CACNA1D: variants seen among roughly 807,000 people sequenced by gnomAD.
CACNA1D encodes the protein calcium voltage-gated channel subunit alpha1 D.
CACNA1D carries 55 observed loss-of-function variants against 257.1 expected under a neutral mutation model. The observed-to-expected ratio is 0.21, with a 90% CI of 0.17 to 0.27. The LOEUF (loss-of-function observed/expected upper bound fraction) is 0.27, where lower values mean the gene tolerates loss of function less well. CACNA1D is among the 10% of genes least tolerant of loss of function. The probability of loss-of-function intolerance (pLI) is 1.00; values close to 1 mark genes in which losing one functional copy is unlikely to be tolerated. For missense variants in CACNA1D, 1,876 were observed against 2,784.0 expected (o/e 0.67, Z 7.34); for synonymous variants, 980 against 1,014.9 (o/e 0.97, Z 0.65).
At chr3:53,652,741 C>G (rs1007644301) in intron 4 of CACNA1D, among the ~76,000 whole-genome samples, 1 of 152,266 alleles carries the variant, frequency 6.6e-6, no homozygotes, top group Non-Finnish European at 1.5e-5. Context: ...CCTAGCCCAT[C>G]TAGCCTGCCA....
chr3:53,700,511 T>A (rs1420231576), intron 8 of CACNA1D, among the ~76,000 whole-genome samples: 1 of 152,204 alleles, frequency 6.6e-6, no homozygotes, highest in Non-Finnish European at 1.5e-5. Flanking sequence ...TTGGTGAATT[T>A]ACCTAGAGCT....
chr3:53,608,505 C>T (rs140993028), intron 3 of CACNA1D, among the ~76,000 whole-genome samples: 1 of 152,280 alleles, frequency 6.6e-6, no homozygotes, highest in African/African-American at 2.4e-5. Context: ...TTTGAAACCT[C>T]TATTACGATG....
chr3:53,552,429 G>A (rs1236615300), intron 3 of CACNA1D, among the ~76,000 whole-genome samples: 1 of 152,072 alleles, frequency 6.6e-6, no homozygotes, highest in African/African-American at 2.4e-5. Context: ...TGCCCAGGCT[G>A]GACTGCAATT....
chr3:53,688,088 C>T (rs777162635), intron 8 of CACNA1D, among the ~76,000 whole-genome samples: 2 of 152,150 alleles, frequency 1.3e-5, no homozygotes, highest in African/African-American at 4.8e-5. Flanking sequence ...AGTATTTGCC[C>T]AAGAGAAATG....
chr3:53,601,056 G>A (rs1456820372), intron 3 of CACNA1D, among the ~76,000 whole-genome samples: 1 of 152,122 alleles, frequency 6.6e-6, no homozygotes, highest in Non-Finnish European at 1.5e-5. Context: ...GGCCTGCACA[G>A]CACACTCTTT....
intron 9 of CACNA1D, chr3:53,710,395 G>GACTT (rs1335737181): frequency 4.4e-6 from 2 of 456,664 alleles, no homozygotes; most frequent in Non-Finnish European, 8.8e-6. Flanking sequence ...CAACCTGAAG[G>GACTT]GGTCACAGTG....
intron 8 of CACNA1D, among the ~76,000 whole-genome samples, chr3:53,680,088 G>T (rs956957694): frequency 3.9e-5 from 6 of 152,208 alleles, no homozygotes; most frequent in Non-Finnish European, 5.9e-5. Flanking sequence ...TACCTGAAGT[G>T]CACAGGCTGG....
chr3:53,695,235 C>T (rs2094562946), intron 8 of CACNA1D, among the ~76,000 whole-genome samples: 1 of 152,268 alleles, frequency 6.6e-6, no homozygotes, highest in East Asian at 1.9e-4. Context: ...TTAGAACGTG[C>T]TGTGATCTGG....
intron 20 of CACNA1D, among the ~76,000 whole-genome samples, chr3:53,739,667 C>T (rs887738170): frequency 6.6e-6 from 1 of 152,118 alleles, no homozygotes; most frequent in African/African-American, 2.4e-5. Flanking sequence ...TGCAGAACAA[C>T]GGGCAGGAGT....
At position 53,711,211 on chromosome 3, in the gene CACNA1D, A is replaced by G. The variant is rs2094751271; in HGVS notation, c.1391-7090A>G. Among the ~76,000 whole-genome samples, 5 of 152,250 alleles carry G rather than the reference A, an allele frequency of 3.3e-5. No individual in the cohort carries two copies. The South Asian group carries it at 1.0e-3, about 32-fold the overall frequency. ...GCAGTCAGCGATATTGCGCCATTAC[A>G]CTCCAGCCTGGGTAACAGAGTGCGA... On this transcript the variant is annotated intron_variant, in intron 9 of 47. Coordinates refer to ENST00000350061, the MANE Select transcript of CACNA1D (RefSeq NM_001128840.3).
Position 53,497,385 on chromosome 3 carries a change from C to A in CACNA1D, c.301C>A (p.Arg101=), listed in dbSNP as rs772267259. ...SKKQGNSSNS[R]PARALFCLSL... ...AAAACAGGGTAACTCGTCCAACAGC[C>A]GACCTGCCCGCGCCCTTTTCTGTTT... Residue 101 remains arginine, a synonymous_variant, in exon 2 of 48, where the codon CGA becomes AGA. Transcript: ENST00000350061. The A allele has an allele frequency of 2.8e-5, 46 of 1,614,044 alleles. No individual in the cohort carries two copies. Among genetic ancestry groups the A allele is most frequent in the Non-Finnish European group, 3.6e-5 (42 of 1,180,038 alleles).
At chr3:53,524,712 A>T (rs1414578877) in intron 3 of CACNA1D, among the ~76,000 whole-genome samples, 1 of 152,164 alleles carries the variant, frequency 6.6e-6, no homozygotes, top group Non-Finnish European at 1.5e-5. Context: ...GTTGGAGCAG[A>T]GTAAGTTTTC....
chr3:53,571,197 C>T (rs551331079), intron 3 of CACNA1D, among the ~76,000 whole-genome samples: 10 of 152,226 alleles, frequency 6.6e-5, no homozygotes, highest in Admixed American at 2.6e-4. Context: ...ATTTGCTGTG[C>T]GTGTCTGAAT....
At position 53,776,847 on chromosome 3, in the gene CACNA1D, AT is replaced by A; in HGVS notation, c.4491-9del. The A allele has an allele frequency of 1.4e-5, 22 of 1,613,622 alleles. No homozygotes were observed. Among genetic ancestry groups the A allele is most frequent in the Non-Finnish European group, 1.9e-5 (22 of 1,179,566 alleles). On this transcript the variant is annotated splice_polypyrimidine_tract_variant and intron_variant, in intron 36 of 47. Coordinates refer to ENST00000350061, the MANE Select transcript of CACNA1D (RefSeq NM_001128840.3). The stretch of plus-strand genomic sequence containing the variant: ...GTACTGTTCCTGGACCTTAGATTGT[AT>A]TTTACTTCCAGGGGAAGGATAAAAC...
At chr3:53,802,310 CA>C (rs2095540335) in intron 43 of CACNA1D, 137 bp downstream of exon 43, 2 of 799,958 alleles carry the variant, frequency 2.5e-6, no homozygotes, top group South Asian at 1.4e-5. Flanking sequence ...GCTGTGGACT[CA>C]GAGGTCAGAG....
At chr3:53,646,552 CAA>C (rs908839772) in intron 3 of CACNA1D, among the ~76,000 whole-genome samples, 2 of 152,082 alleles carry the variant, frequency 1.3e-5, no homozygotes, top group Non-Finnish European at 2.9e-5. Flanking sequence ...GTTAAAGACA[CAA>C]AGAGAGGGCC....
At chr3:53,513,441 AGACCAGC>A (rs1210326445) in intron 3 of CACNA1D, among the ~76,000 whole-genome samples, 1 of 152,154 alleles carries the variant, frequency 6.6e-6, no homozygotes, top group Non-Finnish European at 1.5e-5. Context: ...CAGGAGTTCG[AGACCAGC>A]TGGTGAAACC....
At chr3:53,497,541 C>T (rs2107074524) in intron 2 of CACNA1D, 80 bp downstream of exon 2, 1 of 1,424,186 alleles carries the variant, frequency 7.0e-7, no homozygotes, top group South Asian at 1.2e-5. Context: ...TCTGAAGTGA[C>T]ACAAAGCTGT....
At chr3:53,519,156 G>A (rs1356427931) in intron 3 of CACNA1D, among the ~76,000 whole-genome samples, 1 of 152,192 alleles carries the variant, frequency 6.6e-6, no homozygotes, top group African/African-American at 2.4e-5. Context: ...TCTGCATAGT[G>A]ATGCTACATG....
Sources: allele counts gnomAD v4.1 joint callset (sites outside exome capture counted in the v4.1 genomes callset), GRCh38; gene constraint gnomAD v4.1.1; transcripts MANE v1.5; gene names NCBI Gene and HGNC (gene_info 2026-07-23, HGNC 2026-07-21).